Variants in RPS6 observed in about 807,000 individuals in gnomAD.
RPS6 encodes ribosomal protein S6.
RPS6 carries 1 observed loss-of-function variant against 27.1 expected under a neutral mutation model. That is an observed-to-expected ratio of 0.04 (90% CI 0.01 to 0.18). The LOEUF (loss-of-function observed/expected upper bound fraction) is 0.18. Among genes scored for constraint, RPS6 ranks in the 10% least tolerant of loss-of-function variants. The pLI is 1.00. For missense variants in RPS6, 259 were observed against 319.1 expected (o/e 0.81, Z 1.44); for synonymous variants, 152 against 106.0 (o/e 1.43, Z -2.66).
rs77882767 is a variant in RPS6, at chr9:19,377,392, CTTTT to C, written c.497-745_497-742del. 2.8e-4 allele frequency among the ~76,000 whole-genome samples: 37 copies of C among 132,428 alleles called. No homozygotes were observed. The South Asian group carries it at 8.0e-3, about 29-fold the overall frequency. The allele number at this position is 132,428 out of a possible 152,430, so 86.9% of individuals were successfully genotyped here. A position where few individuals can be genotyped will look rare whatever the true frequency, so the allele number is the denominator to read the frequency against. Reference sequence around the variant, plus strand: ...GCAACTGCCACCTATTTGTCAATTGCTTTTTTTTTTTTTTTTGCAACATCAGCTT... The same window carrying C: ...GCAACTGCCACCTATTTGTCAATTGCTTTTTTTTTTTTGCAACATCAGCTT... On this transcript the variant is annotated intron_variant, in intron 4 of 5. Transcript: ENST00000380394.
intron 1 of RPS6, 97 bp from the exon 2 acceptor site, chr9:19,379,715 T>A: frequency 4.0e-6 from 6 of 1,515,622 alleles, no homozygotes; most frequent in Non-Finnish European, 5.3e-6. Flanking sequence ...AAGCCTTTCA[T>A]GTTGCCTCCA....
rs1467513018 is a variant in RPS6 at position 19,375,968 on chromosome 9, T to G, written c.*325A>C. ...GTGTATAGTGCTTTAAAGAGCTATA[T>G]TCCTCAAAAATAAACTATATAAAAA... On this transcript the variant is annotated 3_prime_UTR_variant, in exon 6 of 6. Coordinates refer to ENST00000380394, the MANE Select transcript of RPS6 (RefSeq NM_001010.3). 1.6e-5 allele frequency: 3 copies of G among 189,360 alleles called. No individual in the cohort carries two copies. Among genetic ancestry groups the G allele is most frequent in the African/African-American group, 2.3e-5 (1 of 42,756 alleles). The allele number at this position is 189,360 out of a possible 1,614,324, so 11.7% of individuals were successfully genotyped here. A position where few individuals can be genotyped will look rare whatever the true frequency, so the allele number is the denominator to read the frequency against.
intron 2 of RPS6, 146 bp from the exon 3 acceptor site, chr9:19,379,064 TG>T: frequency 4.5e-6 from 4 of 892,324 alleles, no homozygotes; most frequent in Non-Finnish European, 5.0e-6. Context: ...CTCTGTTCAG[TG>T]AGTTTTGTCT....
chr9:19,376,346 T>C lies in RPS6; in HGVS notation c.697A>G (p.Arg233Gly). 6.2e-7 allele frequency: 1 copy of C among 1,614,180 alleles called. No individual in the cohort carries two copies. Among genetic ancestry groups the C allele is most frequent in the Non-Finnish European group, 8.5e-7 (1 of 1,180,018 alleles). The change falls in exon 6 of 6, where the codon AGA (arginine) becomes GGA (glycine). Residue 233 changes from arginine (R) to glycine (G), a missense_variant. Physicochemically the swap from Arg to Gly is moderately radical, Grantham distance 125. Coordinates refer to ENST00000380394, the MANE Select transcript of RPS6 (RefSeq NM_001010.3). ...KRQEQIAKRR[R>G]LSSLRASTSK... is the part of the protein sequence containing the mutation. The stretch of plus-strand genomic sequence containing the variant: ...GTAGAAGCTCGCAGAGAGGAAAGTC[T>C]GCGTCTCTTCGCAATTTGTTCCTGG...
At position 19,376,390 on chromosome 9, in the gene RPS6, TAAACA is replaced by T. The variant is rs779952687; in HGVS notation, c.655-7_655-3del. ...TTCCTGGCGCTTCTCCTTAGCCTCC[TAAACA>T]AAACAAAACAGCAAACAGTTAAGGC... On this transcript the variant is annotated splice_polypyrimidine_tract_variant and splice_region_variant and intron_variant, in intron 5 of 5. Coordinates refer to ENST00000380394, the MANE Select transcript of RPS6 (RefSeq NM_001010.3). 69 of 1,613,878 alleles carry T rather than the reference TAAACA, an allele frequency of 4.3e-5. No individual in the cohort carries two copies. The highest frequency in any genetic ancestry group is 6.7e-5 in the African/African-American group (5 of 75,014).
intron 4 of RPS6, among the ~76,000 whole-genome samples, chr9:19,377,489 G>A (rs916622986): frequency 3.3e-5 from 5 of 150,898 alleles, no homozygotes; most frequent in Non-Finnish European, 4.4e-5. Context: ...TCAAGTAAGT[G>A]TAATTACTGA....
In RPS6 at chr9:19,380,192, T is replaced by C. The variant is rs1829656089; in HGVS notation, c.4A>G (p.Lys2Glu). 2 of 1,613,154 alleles carry C rather than the reference T, an allele frequency of 1.2e-6. No homozygotes were observed. The highest frequency in any genetic ancestry group is 1.7e-6 in the Non-Finnish European group (2 of 1,179,248). MKLNISFPATGC... is the reference protein window; with the variant it reads MELNISFPATGC... ...TAACACTCGCCACCATCACCTACCT[T>C]CATCTTGAAGCAGCTGAACGCCTCC... Residue 2 changes from lysine (K) to glutamate (E), a missense_variant and splice_region_variant, in exon 1 of 6, where the codon AAG becomes GAG. Transcript: ENST00000380394.
At position 19,376,700 on chromosome 9, in the gene RPS6, C is replaced by G. The variant is rs779289886; in HGVS notation, c.497-49G>C. 4.5e-6 allele frequency: 7 copies of G among 1,549,806 alleles called. No homozygotes were observed. In the Admixed American group the frequency reaches 1.4e-4, roughly 31 times the overall value. Reference sequence around the variant, plus strand: ...ATTTCAATATTTGTTTTGTTAGAATCCACATCTACTTTAAAAACATCAGAA... The same window carrying G: ...ATTTCAATATTTGTTTTGTTAGAATGCACATCTACTTTAAAAACATCAGAA... On this transcript the variant is annotated intron_variant, in intron 4 of 5. Transcript: ENST00000380394.
chr9:19,376,301 G>A lies in RPS6; in HGVS notation c.742C>T (p.Gln248Ter). The stretch of plus-strand genomic sequence containing the variant: ...TTGTTACTCAAAAAATCTTATTTCT[G>A]ACTGGATTCAGACTTAGAAGTAGAA... ...RASTSKSESSQK is the reference protein window; with the variant it reads ...RASTSKSESS Residue 248 changes from glutamine to a stop codon, truncating the protein, a stop_gained, in exon 6 of 6, where the codon CAG becomes TAG. Transcript: ENST00000380394. LOFTEE classifies it high-confidence loss of function. The A allele has an allele frequency of 6.2e-7, 1 of 1,610,908 alleles. No homozygotes were observed. The highest frequency in any genetic ancestry group is 8.5e-7 in the Non-Finnish European group (1 of 1,179,078).
At position 19,378,436 on chromosome 9, in the gene RPS6, T is replaced by C. The variant is rs1473266351; in HGVS notation, c.428A>G (p.Lys143Arg). ...LGPKRASRIR[K>R]LFNLSKEDDV... ...ATCTTCTTTAGAGAGATTGAAAAGTTTGCGGATTCTGCTAGCTCTTTTGGG... is the reference window on the plus strand; with the variant it reads ...ATCTTCTTTAGAGAGATTGAAAAGTCTGCGGATTCTGCTAGCTCTTTTGGG... Residue 143 changes from lysine (K) to arginine (R), a missense_variant, in exon 4 of 6, where the codon AAA becomes AGA. By Grantham distance (26) the Lys-to-Arg change is conservative. Coordinates refer to ENST00000380394, the MANE Select transcript of RPS6 (RefSeq NM_001010.3). 37 of 1,613,934 alleles carry C rather than the reference T, an allele frequency of 2.3e-5. No individual in the cohort carries two copies. Among genetic ancestry groups the C allele is most frequent in the East Asian group, 4.5e-5 (2 of 44,900 alleles).
At chr9:19,376,826 A>G (rs1829596332) in intron 4 of RPS6, 175 bp from the exon 5 acceptor site, 1 of 530,530 alleles carries the variant, frequency 1.9e-6, no homozygotes, top group African/African-American at 1.9e-5. Flanking sequence ...ACAGAAATCT[A>G]GAAGATTGGT....
Position 19,376,538 on chromosome 9 carries a change from C to G in RPS6, c.610G>C (p.Glu204Gln). 6.2e-7 allele frequency: 1 copy of G among 1,614,122 alleles called. No homozygotes were observed. ...LKKQRTKKNK[E>Q]EAAEYAKLLA... is the part of the protein sequence containing the mutation. ...AGTTTAGCATATTCTGCAGCCTCTTCTTTATTTTTCTTGGTACGCTGCTTC... is the reference window on the plus strand; with the variant it reads ...AGTTTAGCATATTCTGCAGCCTCTTGTTTATTTTTCTTGGTACGCTGCTTC... Residue 204 changes from glutamate (E) to glutamine (Q), a missense_variant, in exon 5 of 6, where the codon GAA (glutamate) becomes CAA (glutamine). Physicochemically the swap from Glu to Gln is conservative, Grantham distance 29. Coordinates refer to ENST00000380394, the MANE Select transcript of RPS6 (RefSeq NM_001010.3).
Position 19,380,230 on chromosome 9 carries a change from A to C in RPS6, c.-35T>G. On this transcript the variant is annotated 5_prime_UTR_variant, in exon 1 of 6. Coordinates refer to ENST00000380394, the MANE Select transcript of RPS6 (RefSeq NM_001010.3). ...GCTGAACGCCTCCGAGGCGCCACGG[A>C]AAAGAGGGCCAACTTCCGCTTAGCG... 6.2e-7 allele frequency: 1 copy of C among 1,610,932 alleles called. No homozygotes were observed. Among genetic ancestry groups the C allele is most frequent in the Non-Finnish European group, 8.5e-7 (1 of 1,177,228 alleles).
intron 4 of RPS6, 135 bp from the exon 5 acceptor site, chr9:19,376,786 G>C (rs769265516): frequency 2.1e-5 from 16 of 744,354 alleles, no homozygotes; most frequent in South Asian, 2.5e-5. Context: ...AATCAAATCA[G>C]AACTATTCTA....
intron 4 of RPS6, chr9:19,376,928 TTA>T (rs1442525584): frequency 6.6e-6 from 2 of 303,892 alleles, no homozygotes; most frequent in South Asian, 5.7e-5. Context: ...TACAGTGGCA[TTA>T]TGTTAATATA....
Position 19,376,587 on chromosome 9 carries a change from G to A in RPS6, c.561C>T (p.His187=), listed in dbSNP as rs1238393024. ...QRLVTPRVLQ[H]KRRRIALKKQ... ...TCTTCAGAGCAATACGCCGCCGTTT[G>A]TGCTGCAGGACACGTGGAGTAACAA... Residue 187 remains histidine (H), a synonymous_variant, in exon 5 of 6, where the codon CAC becomes CAT. Transcript: ENST00000380394. 2.5e-6 allele frequency: 4 copies of A among 1,614,104 alleles called. No homozygotes were observed.
rs1829644238 is a variant in RPS6 at position 19,379,512 on chromosome 9, G to A, written c.113C>T (p.Ala38Val). 9 of 1,614,058 alleles carry A rather than the reference G, an allele frequency of 5.6e-6. No homozygotes were observed. Among genetic ancestry groups the A allele is most frequent in the African/African-American group, 1.3e-5 (1 of 74,910 alleles). Residue 38 changes from alanine to valine, a missense_variant, in exon 2 of 6, where the codon GCT becomes GTT. Transcript: ENST00000380394. ...CTTCCATTCTTCACCCAGAGCGTCA[G>A]CAGCAACTTCTGTGGCCATACGCTT... is the stretch of plus-strand genomic sequence containing the variant. ...YEKRMATEVA[A>V]DALGEEWKGY...
chr9:19,376,267 C>CTTA lies in RPS6; in HGVS notation c.*23_*25dup, dbSNP rs758470032. ...AAGTCAACAGAGATCAGAGTCTGAT[C>CTTA]TTATTTATTTGTTACTCAAAAAATC... On this transcript the variant is annotated 3_prime_UTR_variant, in exon 6 of 6. Coordinates refer to ENST00000380394, the MANE Select transcript of RPS6 (RefSeq NM_001010.3). 15 of 1,571,046 alleles carry CTTA rather than the reference C, an allele frequency of 9.5e-6. No homozygotes were observed. The African/African-American group carries it at 1.9e-4, about 20-fold the overall frequency.
chr9:19,379,551 C>T lies in RPS6; in HGVS notation c.74G>A (p.Arg25His), dbSNP rs768596769. Reference protein sequence around the residue: ...LIEVDDERKLRTFYEKRMATE... With the variant: ...LIEVDDERKLHTFYEKRMATE... ...GGCCATACGCTTCTCATAGAAAGTA[C>T]GAAGTTTGCGTTCATCGTCCACTTC... Residue 25 changes from arginine to histidine, a missense_variant, in exon 2 of 6, where the codon CGT becomes CAT. Arg to His is a conservative substitution (Grantham distance 29). Transcript: ENST00000380394. 1.2e-6 allele frequency: 2 copies of T among 1,614,048 alleles called. No homozygotes were observed. The highest frequency in any genetic ancestry group is 2.7e-5 in the African/African-American group (2 of 74,888).
Sources: gnomAD v4.1 joint callset for allele counts (sites outside exome capture counted in the v4.1 genomes callset) on GRCh38, gnomAD v4.1.1 for gene constraint, MANE v1.5 for transcripts, NCBI Gene and HGNC (gene_info 2026-07-23, HGNC 2026-07-21) for gene names.